The following SPECC1 variants were observed in gnomAD, a reference collection of about 807,000 sequenced individuals.
SPECC1 encodes sperm antigen with calponin homology and coiled-coil domains 1, also known as cytospin-B.
A neutral mutation model predicts 104.1 loss-of-function variants in SPECC1; 62 were observed. The ratio of observed to expected loss-of-function variants is 0.60; its 90% CI spans 0.49 to 0.74. The LOEUF is 0.74. SPECC1 is among the 30% of genes least tolerant of loss of function. SPECC1 has a pLI of 0.00. For missense variants in SPECC1, 1,306 were observed against 1,310.5 expected, an observed-to-expected ratio of 1.00 and a Z score of 0.05; for synonymous variants, 513 against 501.6, an observed-to-expected ratio of 1.02 and a Z score of -0.30.
Position 20,311,100 on chromosome 17 carries a change from GGTT to G in SPECC1, c.3118-2875_3118-2873del, listed in dbSNP as rs1177163294. Among the ~76,000 whole-genome samples the G allele has an allele frequency of 2.4e-3, 308 of 130,950 alleles. 2 individuals are homozygous for G. Among genetic ancestry groups the G allele is most frequent in the African/African-American group, 7.8e-3 (248 of 31,848 alleles). 85.9% of individuals were successfully genotyped at this position (130,950 alleles called of 152,430 possible). On this transcript the variant is annotated intron_variant, in intron 14 of 14. Transcript: ENST00000395527. The stretch of plus-strand genomic sequence containing the variant: ...CCTTGTTAGATTTAGACCTTAGTGG[GGTT>G]TTTTTTTTTTTTTTTTTGGTGCTAT...
intron 3 of SPECC1, among the ~76,000 whole-genome samples, chr17:20,137,949 G>A (rs1388629277): frequency 1.3e-5 from 2 of 151,358 alleles, no homozygotes; most frequent in Non-Finnish European, 2.9e-5. Flanking sequence ...ACAGGCGTGA[G>A]CCACCGTACC....
intron 12 of SPECC1, among the ~76,000 whole-genome samples, chr17:20,267,755 G>T (rs1229557905): frequency 6.6e-6 from 1 of 152,162 alleles, no homozygotes; most frequent in Non-Finnish European, 1.5e-5. Context: ...ATTGCCATGT[G>T]GGTGCTCTGG....
At chr17:20,078,984 C>G (rs950660095) in intron 1 of SPECC1, among the ~76,000 whole-genome samples, 1 of 152,182 alleles carries the variant, frequency 6.6e-6, no homozygotes, top group Non-Finnish European at 1.5e-5. Context: ...CAAGAAGATT[C>G]TTGGGAGCAG....
At chr17:20,157,035 T>C (rs1206741234) in intron 3 of SPECC1, among the ~76,000 whole-genome samples, 1 of 152,144 alleles carries the variant, frequency 6.6e-6, no homozygotes, top group Admixed American at 6.5e-5. Flanking sequence ...GAGTCAGAAC[T>C]GTAAATATTT....
At chr17:20,227,010 A>C (rs2038257345) in intron 4 of SPECC1, among the ~76,000 whole-genome samples, 1 of 110,790 alleles carries the variant, frequency 9.0e-6, no homozygotes, top group African/African-American at 3.7e-5. Flanking sequence ...AGTGCCTCCC[A>C]GGGAAGCACT....
intron 1 of SPECC1, among the ~76,000 whole-genome samples, chr17:20,037,218 A>G (rs1266558834): frequency 6.6e-6 from 1 of 151,836 alleles, no homozygotes; most frequent in Non-Finnish European, 1.5e-5. Context: ...TTTGTTAAGG[A>G]GTTTAAGGAG....
intron 3 of SPECC1, among the ~76,000 whole-genome samples, chr17:20,192,220 G>C (rs2035720323): frequency 1.3e-5 from 2 of 151,960 alleles, no homozygotes; most frequent in Admixed American, 1.3e-4. Flanking sequence ...CTCCCGCCCT[G>C]GCCTCCCAAA....
rs745813726 is a variant in SPECC1 at position 20,096,702 on chromosome 17, C to T, written c.51C>T (p.His17=). 105 of 1,614,076 alleles carry T rather than the reference C, an allele frequency of 6.5e-5. No individual in the cohort carries two copies. In the East Asian group the frequency reaches 2.0e-3, roughly 30 times the overall value. ...PWNPAIRAGG[H]GPDRVRPLPA... ...ACCCAGCCATCAGAGCAGGGGGCCA[C>T]GGCCCAGACCGGGTGCGGCCTCTGC... The change falls in exon 2 of 15, where the codon CAC becomes CAT. Residue 17 remains histidine, a synonymous_variant. Coordinates refer to ENST00000395527, the MANE Select transcript of SPECC1 (RefSeq NM_001243439.2).
intron 3 of SPECC1, among the ~76,000 whole-genome samples, chr17:20,165,645 A>G (rs1186379646): frequency 1.3e-5 from 2 of 152,198 alleles, no homozygotes; most frequent in Admixed American, 6.5e-5. Context: ...TGTCTTCCAC[A>G]ATGGTTGAAC....
intron 3 of SPECC1, among the ~76,000 whole-genome samples, chr17:20,192,719 C>G (rs2035754429): frequency 6.6e-6 from 1 of 152,098 alleles, no homozygotes; most frequent in African/African-American, 2.4e-5. Flanking sequence ...TTCATATGTT[C>G]TAGAAAATAG....
intron 12 of SPECC1, among the ~76,000 whole-genome samples, chr17:20,281,397 C>T (rs188333766): frequency 3.3e-5 from 5 of 152,322 alleles, no homozygotes; most frequent in Non-Finnish European, 7.4e-5. Flanking sequence ...CTGCCTCCTG[C>T]ACACCCCAGG....
At chr17:20,172,224 T>C (rs979512631) in intron 3 of SPECC1, among the ~76,000 whole-genome samples, 1 of 152,180 alleles carries the variant, frequency 6.6e-6, no homozygotes, top group Non-Finnish European at 1.5e-5. Flanking sequence ...GCCTCAGGGC[T>C]CCTGCATGGG....
chr17:20,314,386 C>T lies in SPECC1; in HGVS notation c.*321C>T, dbSNP rs771705013. Reference sequence around the variant, plus strand: ...TTGCTGATTATATTGGGTGGCTGAACGAACACATTATCTGCAGAAATTCAG... The same window carrying T: ...TTGCTGATTATATTGGGTGGCTGAATGAACACATTATCTGCAGAAATTCAG... On this transcript the variant is annotated 3_prime_UTR_variant, in exon 15 of 15. Transcript: ENST00000395527. 15 of 343,904 alleles carry T rather than the reference C, an allele frequency of 4.4e-5. No individual in the cohort carries two copies. Among genetic ancestry groups the T allele is most frequent in the South Asian group, 3.8e-4 (6 of 15,770 alleles). The allele number at this position is 343,904 out of a possible 1,614,324, so 21.3% of individuals were successfully genotyped here. A position where few individuals can be genotyped will look rare whatever the true frequency, so the allele number is the denominator to read the frequency against.
chr17:20,022,065 C>T (rs897924133), intron 1 of SPECC1, among the ~76,000 whole-genome samples: 1 of 151,936 alleles, frequency 6.6e-6, no homozygotes, highest in Admixed American at 6.6e-5. Context: ...CCTCAACCTC[C>T]TGAGTAGCTG....
Position 20,205,237 on chromosome 17 carries a change from A to G in SPECC1, c.1188A>G (p.Gln396=), listed in dbSNP as rs756889352. The change falls in exon 4 of 15, where the codon CAA becomes CAG. Residue 396 remains glutamine (Q), a synonymous_variant. Transcript: ENST00000395527. ...CAGAAGAACTACAGGCTACTCTACA[A>G]GAATTATCAGACCAGCAACAAATGG... ...STAEELQATL[Q]ELSDQQQMVQ... 4 of 1,614,104 alleles carry G rather than the reference A, an allele frequency of 2.5e-6. No individual in the cohort carries two copies. The African/African-American group carries it at 4.0e-5, about 16-fold the overall frequency.
At position 20,112,110 on chromosome 17, in the gene SPECC1, G is replaced by GGGGC. The variant is rs573091568; in HGVS notation, c.283+1551_283+1554dup. The stretch of plus-strand genomic sequence containing the variant: ...AGACTGGCTAACATTAAATGCTGGA[G>GGGGC]GGGCGGTACTTTACAACCACACAGA... On this transcript the variant is annotated intron_variant, in intron 3 of 14. Coordinates refer to ENST00000395527, the MANE Select transcript of SPECC1 (RefSeq NM_001243439.2). The GGGGC allele has an allele frequency of 1.3e-3, 995 of 764,766 alleles. 3 individuals carry two copies. Among genetic ancestry groups the GGGGC allele is most frequent in the South Asian group, 2.0e-3 (150 of 74,368 alleles). 47.4% of individuals were successfully genotyped at this position (764,766 alleles called of 1,614,324 possible). A position where few individuals can be genotyped will look rare whatever the true frequency, so the allele number is the denominator to read the frequency against.
chr17:20,113,021 G>A, intron 3 of SPECC1: 1 of 833,548 alleles, frequency 1.2e-6, no homozygotes, highest in Non-Finnish European at 2.1e-6. Context: ...ACATGTACAA[G>A]ATGAAAATGT....
chr17:20,259,150 C>T (rs934345209), intron 11 of SPECC1, among the ~76,000 whole-genome samples: 1 of 152,182 alleles, frequency 6.6e-6, no homozygotes, highest in Non-Finnish European at 1.5e-5. Flanking sequence ...GGTCTTGTTA[C>T]ACCTTTGGGT....
intron 1 of SPECC1, among the ~76,000 whole-genome samples, chr17:20,047,172 G>T (rs1225465018): frequency 6.6e-6 from 1 of 152,180 alleles, no homozygotes; most frequent in African/African-American, 2.4e-5. Flanking sequence ...CTTTCATGTT[G>T]TAAATGCTTG....
Sources: gnomAD v4.1 joint callset for allele counts (sites outside exome capture counted in the v4.1 genomes callset) on GRCh38, gnomAD v4.1.1 for gene constraint, MANE v1.5 for transcripts, NCBI Gene and HGNC (gene_info 2026-07-23, HGNC 2026-07-21) for gene names.